The following PPP2R5E variants were observed in gnomAD, a reference collection of about 807,000 sequenced individuals.
The protein encoded by PPP2R5E is serine/threonine-protein phosphatase 2A 56 kDa regulatory subunit epsilon isoform.
A neutral mutation model predicts 65.3 loss-of-function variants in PPP2R5E; 4 were observed. That is an observed-to-expected ratio of 0.06 (90% CI 0.03 to 0.14). PPP2R5E has a LOEUF of 0.14. Among genes scored for constraint, PPP2R5E ranks in the 10% least tolerant of loss-of-function variants. The pLI is 1.00. For missense variants in PPP2R5E, 274 were observed against 556.1 expected, an observed-to-expected ratio of 0.49 and a Z score of 5.10; for synonymous variants, 183 against 187.4, an observed-to-expected ratio of 0.98 and a Z score of 0.19.
rs1471092368 is a variant in PPP2R5E at position 63,415,216 on chromosome 14, A to G, written c.473T>C (p.Phe158Ser). 1 of 1,599,540 alleles carries G rather than the reference A, an allele frequency of 6.3e-7. No homozygotes were observed. The highest frequency in any genetic ancestry group is 1.7e-5 in the Admixed American group (1 of 59,828). Reference sequence around the variant, plus strand: ...TTCTTGGCTTTCCAAAAATCGTATGAAAAATTCATATACAAGCTGCAACAA... The same window carrying G: ...TTCTTGGCTTTCCAAAAATCGTATGGAAAATTCATATACAAGCTGCAACAA... ...WPHLQLVYEF[F>S]IRFLESQEFQ... The change falls in exon 5 of 14, where the codon TTC becomes TCC. Residue 158 changes from phenylalanine to serine, a missense_variant. Physicochemically the swap from Phe to Ser is radical, Grantham distance 155. Transcript: ENST00000337537.
At chr14:63,425,287 T>G (rs1345145527) in intron 3 of PPP2R5E, among the ~76,000 whole-genome samples, 1 of 152,234 alleles carries the variant, frequency 6.6e-6, no homozygotes, top group Non-Finnish European at 1.5e-5. Flanking sequence ...AAGAAATAAA[T>G]GACTTTTCAG....
At chr14:63,540,983 C>CG (rs1893878965) in intron 1 of PPP2R5E, among the ~76,000 whole-genome samples, 1 of 152,100 alleles carries the variant, frequency 6.6e-6, no homozygotes, top group African/African-American at 2.4e-5. Context: ...TCCATTGATA[C>CG]ATTTTCCCAA....
At chr14:63,379,852 T>TC (rs1566660796) in intron 13 of PPP2R5E, among the ~76,000 whole-genome samples, 12 of 140,974 alleles carry the variant, frequency 8.5e-5, no homozygotes, top group African/African-American at 3.3e-4. Flanking sequence ...TTTTTTTTTT[T>TC]GAGACAGAGT....
chr14:63,542,471 C>A (rs1893940165), intron 1 of PPP2R5E, among the ~76,000 whole-genome samples: 1 of 152,146 alleles, frequency 6.6e-6, no homozygotes, highest in East Asian at 1.9e-4. Flanking sequence ...CTAGAGAATC[C>A]TCCTCACACC....
At chr14:63,500,714 T>A (rs535627566) in intron 2 of PPP2R5E, among the ~76,000 whole-genome samples, 1 of 152,066 alleles carries the variant, frequency 6.6e-6, no homozygotes, top group East Asian at 1.9e-4. Flanking sequence ...AGAAAATTTT[T>A]AAAAATTGCC....
chr14:63,494,768 G>A (rs1313082860), intron 2 of PPP2R5E, among the ~76,000 whole-genome samples: 1 of 151,950 alleles, frequency 6.6e-6, no homozygotes, highest in Non-Finnish European at 1.5e-5. Flanking sequence ...GGTGGTGCGT[G>A]CCTGTAGTTA....
chr14:63,531,216 G>A (rs759026407), intron 2 of PPP2R5E, among the ~76,000 whole-genome samples: 1 of 152,130 alleles, frequency 6.6e-6, no homozygotes, highest in Admixed American at 6.6e-5. Flanking sequence ...CATGTGCCAT[G>A]TTGGTGTGCT....
At chr14:63,388,603 A>G (rs929606077) in intron 11 of PPP2R5E, among the ~76,000 whole-genome samples, 2 of 152,210 alleles carry the variant, frequency 1.3e-5, no homozygotes, top group African/African-American at 4.8e-5. Context: ...TTCCATTTTT[A>G]TTCAGGCTTG....
At chr14:63,518,791 T>A (rs1352094207) in intron 2 of PPP2R5E, among the ~76,000 whole-genome samples, 1 of 152,138 alleles carries the variant, frequency 6.6e-6, no homozygotes, top group Non-Finnish European at 1.5e-5. Context: ...TTATTATAAA[T>A]AATCACATGG....
chr14:63,418,199 TCA>T (rs1261302136), intron 4 of PPP2R5E, among the ~76,000 whole-genome samples: 1 of 152,138 alleles, frequency 6.6e-6, no homozygotes, highest in African/African-American at 2.4e-5. Context: ...CTGTCAACTC[TCA>T]GTTTTACATA....
chr14:63,467,245 A>AAAAAC (rs1889877221), intron 2 of PPP2R5E, among the ~76,000 whole-genome samples: 1 of 149,974 alleles, frequency 6.7e-6, no homozygotes, highest in Non-Finnish European at 1.5e-5. Context: ...CAAACAAACA[A>AAAAAC]AAAAAACACT....
chr14:63,423,795 G>C (rs1372953215), intron 3 of PPP2R5E, among the ~76,000 whole-genome samples: 3 of 152,212 alleles, frequency 2.0e-5, no homozygotes, highest in South Asian at 2.1e-4. Flanking sequence ...TAGGAAAACA[G>C]TAGTGAACAA....
intron 2 of PPP2R5E, among the ~76,000 whole-genome samples, chr14:63,491,951 T>C (rs1036227788): frequency 1.3e-5 from 2 of 152,156 alleles, no homozygotes; most frequent in African/African-American, 4.8e-5. Context: ...TGTGGTATCA[T>C]ATTTTTATTG....
At chr14:63,462,360 G>A (rs1236195496) in intron 2 of PPP2R5E, among the ~76,000 whole-genome samples, 1 of 152,114 alleles carries the variant, frequency 6.6e-6, no homozygotes, top group Non-Finnish European at 1.5e-5. Context: ...GTGAGCCAGT[G>A]CACCCAGCCT....
chr14:63,499,620 G>A lies in PPP2R5E; in HGVS notation c.157+39909C>T, dbSNP rs567729382. On this transcript the variant is annotated intron_variant, in intron 2 of 13. Transcript: ENST00000337537. Reference sequence around the variant, plus strand: ...TGCGTGCCTGTAATCACGGCTACTCGGGAGGCTGAAGCAGGAGAATCACTT... The same window carrying A: ...TGCGTGCCTGTAATCACGGCTACTCAGGAGGCTGAAGCAGGAGAATCACTT... Among the ~76,000 whole-genome samples, 3 of 152,194 alleles carry A rather than the reference G, an allele frequency of 2.0e-5. No homozygotes were observed. The East Asian group carries it at 5.8e-4, about 29-fold the overall frequency.
At chr14:63,476,608 C>T (rs1049384066) in intron 2 of PPP2R5E, among the ~76,000 whole-genome samples, 3 of 152,198 alleles carry the variant, frequency 2.0e-5, no homozygotes, top group African/African-American at 7.2e-5. Context: ...TACTGTCCAC[C>T]CAACTAATAG....
At chr14:63,377,458 C>T (rs1024889685) in intron 13 of PPP2R5E, among the ~76,000 whole-genome samples, 6 of 152,024 alleles carry the variant, frequency 3.9e-5, no homozygotes, top group African/African-American at 1.2e-4. Flanking sequence ...CTCCAACTCC[C>T]AAAAAACTCA....
At chr14:63,499,243 G>C (rs189256605) in intron 2 of PPP2R5E, among the ~76,000 whole-genome samples, 1 of 152,158 alleles carries the variant, frequency 6.6e-6, no homozygotes, top group East Asian at 1.9e-4. Context: ...ACATATCACA[G>C]GTCAGAGCTG....
chr14:63,392,609 T>C (rs999573778), intron 8 of PPP2R5E, among the ~76,000 whole-genome samples: 3 of 152,236 alleles, frequency 2.0e-5, no homozygotes, highest in Admixed American at 6.5e-5. Flanking sequence ...TCATGAAATA[T>C]GATATCCCAT....
Sources: gnomAD v4.1 joint callset for allele counts (sites outside exome capture counted in the v4.1 genomes callset) on GRCh38, gnomAD v4.1.1 for gene constraint, MANE v1.5 for transcripts, NCBI Gene and HGNC (gene_info 2026-07-23, HGNC 2026-07-21) for gene names.